ZCCHC14: variants seen among roughly 807,000 people sequenced by gnomAD.
ZCCHC14 encodes the protein zinc finger CCHC domain-containing protein 14.
Under a neutral mutation model 85.0 loss-of-function variants are expected in ZCCHC14, and 16 were observed. That is an observed-to-expected ratio of 0.19 (90% CI 0.13 to 0.29). The LOEUF (loss-of-function observed/expected upper bound fraction) is 0.29. Among genes scored for constraint, ZCCHC14 ranks in the 10% least tolerant of loss-of-function variants. The probability of loss-of-function intolerance (pLI) is 1.00; values close to 1 mark genes in which losing one functional copy is unlikely to be tolerated. For missense variants in ZCCHC14, 1,303 were observed against 1,443.5 expected (o/e 0.90, Z 1.58); for synonymous variants, 775 against 630.7 (o/e 1.23, Z -3.43).
At chr16:87,490,721 C>T (rs1297400282) in intron 1 of ZCCHC14, among the ~76,000 whole-genome samples, 1 of 152,226 alleles carries the variant, frequency 6.6e-6, no homozygotes, top group African/African-American at 2.4e-5. Context: ...ATTTAAGGCT[C>T]TGGGAGTCTT....
intron 1 of ZCCHC14, among the ~76,000 whole-genome samples, chr16:87,475,159 G>A (rs1268278368): frequency 6.6e-6 from 1 of 152,220 alleles, no homozygotes; most frequent in East Asian, 1.9e-4. Flanking sequence ...GCAGGACTCA[G>A]TAGCCCTTAC....
chr16:87,468,971 A>G (rs1911659002), intron 1 of ZCCHC14, among the ~76,000 whole-genome samples: 1 of 152,258 alleles, frequency 6.6e-6, no homozygotes, highest in Non-Finnish European at 1.5e-5. Flanking sequence ...AGGTCTAGAC[A>G]TCTTTAAAAA....
Position 87,412,532 on chromosome 16 carries a change from C to G in ZCCHC14, c.2189G>C (p.Arg730Pro). ...SMSPTVSFGP[R>P]TKVVHASTLD... ...CGTGGATGCATGCACGACTTTGGTCCGGGGACCAAAGGAGACTGTGGGTGA... is the reference window on the plus strand; with the variant it reads ...CGTGGATGCATGCACGACTTTGGTCGGGGGACCAAAGGAGACTGTGGGTGA... Residue 730 changes from arginine to proline, a missense_variant, in exon 12 of 13, where the codon CGG (arginine) becomes CCG (proline). By Grantham distance (103) the Arg-to-Pro change is moderately radical. This residue lies in a region of ZCCHC14 where 797 missense variants were observed against 730.8 expected (regional missense o/e 1.09). Transcript: ENST00000671377. 1 of 1,614,002 alleles carries G rather than the reference C, an allele frequency of 6.2e-7. No individual in the cohort carries two copies. The highest frequency in any genetic ancestry group is 8.5e-7 in the Non-Finnish European group (1 of 1,180,022).
At chr16:87,478,755 C>T (rs1225860246) in intron 1 of ZCCHC14, among the ~76,000 whole-genome samples, 1 of 151,984 alleles carries the variant, frequency 6.6e-6, no homozygotes, top group Non-Finnish European at 1.5e-5. Context: ...AACAGGCGCC[C>T]GCCACCACGC....
chr16:87,470,142 G>A (rs1444339726), intron 1 of ZCCHC14, among the ~76,000 whole-genome samples: 1 of 151,966 alleles, frequency 6.6e-6, no homozygotes, highest in Non-Finnish European at 1.5e-5. Flanking sequence ...AGACCAGCCT[G>A]GGCAACATAG....
chr16:87,485,660 G>A (rs918941557), intron 1 of ZCCHC14, among the ~76,000 whole-genome samples: 12 of 151,102 alleles, frequency 7.9e-5, no homozygotes, highest in African/African-American at 2.9e-4. Flanking sequence ...GGGCGGGGGA[G>A]AATACTAAAG....
chr16:87,484,573 G>C (rs570630429), intron 1 of ZCCHC14, among the ~76,000 whole-genome samples: 1 of 152,164 alleles, frequency 6.6e-6, no homozygotes, highest in African/African-American at 2.4e-5. Flanking sequence ...TGTCTTGAAA[G>C]AACATGTGAA....
At chr16:87,461,808 C>G (rs1446204379) in intron 1 of ZCCHC14, among the ~76,000 whole-genome samples, 2 of 152,224 alleles carry the variant, frequency 1.3e-5, no homozygotes, top group Non-Finnish European at 2.9e-5. Context: ...AAGTCCATAG[C>G]GAGATCCTCT....
intron 8 of ZCCHC14, 106 bp from the exon 9 acceptor site, chr16:87,415,473 G>A (rs559270630): frequency 3.5e-5 from 33 of 934,092 alleles, no homozygotes; most frequent in Non-Finnish European, 4.8e-5. Context: ...TCTGGGATAT[G>A]CAAACAGATC....
At chr16:87,478,547 CCACA>C (rs896038145) in intron 1 of ZCCHC14, among the ~76,000 whole-genome samples, 2 of 152,130 alleles carry the variant, frequency 1.3e-5, no homozygotes, top group Non-Finnish European at 2.9e-5. Context: ...AGTTTACACA[CCACA>C]CAGTGCTTCC....
At position 87,491,276 on chromosome 16, in the gene ZCCHC14, G is replaced by A. The variant is rs978316496; in HGVS notation, c.570+393C>T. Among the ~76,000 whole-genome samples the A allele has an allele frequency of 3.9e-5, 6 of 152,254 alleles. No homozygotes were observed. Among genetic ancestry groups the A allele is most frequent in the African/African-American group, 1.4e-4 (6 of 41,472 alleles). On this transcript the variant is annotated intron_variant, in intron 1 of 12. Transcript: ENST00000671377. The surrounding 1 kb of genome is among the most constrained non-coding windows in gnomAD (Gnocchi z 5.9). ...CCCAAGGGGCGCGAGGCGGAGGTGT[G>A]GAGGCTTTGGGGCACGCAGAGGGGA...
chr16:87,417,435 A>C (rs199592882), intron 8 of ZCCHC14, 25 bp downstream of exon 8: 1 of 1,608,928 alleles, frequency 6.2e-7, no homozygotes, highest in East Asian at 2.2e-5. Context: ...GCAATTCTGT[A>C]CGGCCAGCCA....
At chr16:87,481,762 G>C (rs910716718) in intron 1 of ZCCHC14, among the ~76,000 whole-genome samples, 7 of 152,196 alleles carry the variant, frequency 4.6e-5, no homozygotes, top group African/African-American at 1.2e-4. Context: ...GAAGGGATTA[G>C]AAGGGAAGGA....
chr16:87,419,930 GAATTGA>G, intron 5 of ZCCHC14, 53 bp from the exon 6 acceptor site: 1 of 1,463,482 alleles, frequency 6.8e-7, no homozygotes, highest in Non-Finnish European at 9.3e-7. Flanking sequence ...TCCTGCTGAC[GAATTGA>G]AAGAAAAAAA....
chr16:87,477,544 G>A (rs1209133814), intron 1 of ZCCHC14, among the ~76,000 whole-genome samples: 1 of 152,202 alleles, frequency 6.6e-6, no homozygotes, highest in Non-Finnish European at 1.5e-5. Flanking sequence ...AAATGATGAA[G>A]TCAACACACA....
At chr16:87,417,084 C>T (rs1315799454) in intron 8 of ZCCHC14, among the ~76,000 whole-genome samples, 1 of 152,208 alleles carries the variant, frequency 6.6e-6, no homozygotes, top group Non-Finnish European at 1.5e-5. Context: ...GCACCCATTC[C>T]TCTAGATCTG....
intron 1 of ZCCHC14, among the ~76,000 whole-genome samples, chr16:87,465,845 A>T (rs926555775): frequency 6.6e-6 from 1 of 152,186 alleles, no homozygotes; most frequent in Non-Finnish European, 1.5e-5. Context: ...AAAAAAAAAT[A>T]AACAGAGCCA....
At chr16:87,472,769 C>T (rs1207267819) in intron 1 of ZCCHC14, 1 of 152,316 alleles carries the variant, frequency 6.6e-6, no homozygotes, top group African/African-American at 2.4e-5. Context: ...TAGGGGCTCG[C>T]TCTGTTGCCC....
chr16:87,437,119 C>A (rs574041924), intron 2 of ZCCHC14, among the ~76,000 whole-genome samples: 114 of 151,918 alleles, frequency 7.5e-4, no homozygotes, highest in African/African-American at 2.7e-3. Context: ...GGTGGATCAC[C>A]TGAGGTCAGG....
Sources: allele counts gnomAD v4.1 joint callset (sites outside exome capture counted in the v4.1 genomes callset), GRCh38; gene constraint gnomAD v4.1.1; regional missense constraint gnomAD v4.1.1; non-coding constraint Gnocchi (gnomAD v3.1); transcripts MANE v1.5; gene names NCBI Gene and HGNC (gene_info 2026-07-23, HGNC 2026-07-21).